ZNF599: variants seen among roughly 807,000 people sequenced by gnomAD.
ZNF599 encodes the protein zinc finger protein 599.
In ZNF599, 10 loss-of-function variants were observed where a neutral mutation model predicts 11.7. The ratio of observed to expected loss-of-function variants is 0.86; its 90% CI spans 0.53 to 1.45. The LOEUF (loss-of-function observed/expected upper bound fraction) is 1.45. Among genes scored for constraint, ZNF599 ranks in the 40% most tolerant of loss-of-function variants. The pLI is 0.00. For synonymous variants in ZNF599, 232 were observed against 253.2 expected (o/e 0.92, Z 0.79); for missense variants, 688 against 713.6 (o/e 0.96, Z 0.41).
the ZNF599 span, among the ~76,000 whole-genome samples, chr19:34,783,636 CA>C: frequency 8.6e-5 from 13 of 152,040 alleles, no homozygotes; most frequent in Non-Finnish European, 1.5e-4. Context: ...AGCAAGCCCC[CA>C]ATATGTCAAA....
the ZNF599 span, among the ~76,000 whole-genome samples, chr19:34,799,212 A>G: frequency 6.6e-6 from 1 of 152,128 alleles, no homozygotes; most frequent in Non-Finnish European, 1.5e-5. Context: ...CGTGTTGCCC[A>G]GGCTGGTCTG....
rs771913366 is a variant in ZNF599, at chr19:34,769,581, G to A, written c.19-26C>T. On this transcript the variant is annotated intron_variant, in intron 1 of 3. Coordinates refer to ENST00000329285, the MANE Select transcript of ZNF599 (RefSeq NM_001007248.3). ...CTGGGAAGTCAAACAGAGGTGACAGGTGGCTGTGGAGCTATTAGGTGAAAT... is the reference window on the plus strand; with the variant it reads ...CTGGGAAGTCAAACAGAGGTGACAGATGGCTGTGGAGCTATTAGGTGAAAT... The A allele has an allele frequency of 6.8e-6, 11 of 1,607,404 alleles. No individual in the cohort carries two copies. The South Asian group carries it at 1.2e-4, about 18-fold the overall frequency.
At chr19:34,780,956 A>G in the ZNF599 span, among the ~76,000 whole-genome samples, 1 of 152,120 alleles carries the variant, frequency 6.6e-6, no homozygotes, top group Non-Finnish European at 1.5e-5. Flanking sequence ...GGAGATCGAG[A>G]CCATCGTGGC....
At chr19:34,801,314 C>T in the ZNF599 span, among the ~76,000 whole-genome samples, 1 of 152,344 alleles carries the variant, frequency 6.6e-6, no homozygotes, top group African/African-American at 2.4e-5. Context: ...TCCATTTTTG[C>T]TGCATTAATA....
the ZNF599 span, among the ~76,000 whole-genome samples, chr19:34,804,118 A>T: frequency 3.5e-4 from 54 of 152,292 alleles, no homozygotes; most frequent in African/African-American, 1.3e-3. Context: ...TCAGCCATCC[A>T]GAACAACATG....
chr19:34,767,379 G>A lies in ZNF599; in HGVS notation c.178C>T (p.Leu60=). Residue 60 remains leucine, a synonymous_variant, in exon 3 of 4, where the codon CTA becomes TTA. Coordinates refer to ENST00000329285, the MANE Select transcript of ZNF599 (RefSeq NM_001007248.3). ...HPVPKPELIY[L]LEHGQELWTV... ...CACAGTTCCTGTCCATGTTCCAGTAGATAGATCAGCTCTGGTTTGGGAACA... is the reference window on the plus strand; with the variant it reads ...CACAGTTCCTGTCCATGTTCCAGTAAATAGATCAGCTCTGGTTTGGGAACA... 2.5e-6 allele frequency: 4 copies of A among 1,614,160 alleles called. No individual in the cohort carries two copies. The highest frequency in any genetic ancestry group is 3.4e-6 in the Non-Finnish European group (4 of 1,180,002).
chr19:34,793,782 C>T, the ZNF599 span, among the ~76,000 whole-genome samples: 43 of 152,098 alleles, frequency 2.8e-4, no homozygotes, highest in Non-Finnish European at 5.1e-4. Flanking sequence ...CAGAAGCCCT[C>T]GTGGATTGCT....
chr19:34,788,278 T>C, the ZNF599 span, among the ~76,000 whole-genome samples: 10 of 152,202 alleles, frequency 6.6e-5, no homozygotes, highest in African/African-American at 2.4e-4. Flanking sequence ...TACTTCCTCT[T>C]TTCTGTGACA....
At chr19:34,762,077 T>C (rs1191249834) in intron 3 of ZNF599, among the ~76,000 whole-genome samples, 1 of 152,162 alleles carries the variant, frequency 6.6e-6, no homozygotes, top group Admixed American at 6.5e-5. Context: ...TAAATCTGTA[T>C]GTGCCAAACA....
chr19:34,779,471 G>T, the ZNF599 span: 3 of 456,514 alleles, frequency 6.6e-6, no homozygotes, highest in Admixed American at 7.1e-5. Flanking sequence ...GTTTACTGAG[G>T]CTGGGGCTTT....
At chr19:34,800,018 A>G in the ZNF599 span, among the ~76,000 whole-genome samples, 1 of 152,176 alleles carries the variant, frequency 6.6e-6, no homozygotes, top group African/African-American at 2.4e-5. Flanking sequence ...TGTCTTCATT[A>G]TATTCCCGAA....
the ZNF599 span, among the ~76,000 whole-genome samples, chr19:34,800,620 G>A: frequency 8.0e-6 from 1 of 125,660 alleles, no homozygotes; most frequent in Non-Finnish European, 1.6e-5. Flanking sequence ...TTTTGAGACG[G>A]AGTGTCGCTC....
chr19:34,789,902 G>T, the ZNF599 span, among the ~76,000 whole-genome samples: 1 of 152,054 alleles, frequency 6.6e-6, no homozygotes, highest in African/African-American at 2.4e-5. Context: ...TACTTTGGGG[G>T]TCATATCCAA....
At chr19:34,807,312 C>T in the ZNF599 span, among the ~76,000 whole-genome samples, 2 of 152,190 alleles carry the variant, frequency 1.3e-5, no homozygotes, top group African/African-American at 4.8e-5. Flanking sequence ...AAGGGACGCA[C>T]CACCAACTTG....
chr19:34,773,272 G>T (rs1372643430), upstream of ZNF599: 1 of 185,914 alleles, frequency 5.4e-6, no homozygotes, highest in African/African-American at 2.3e-5. Flanking sequence ...TCTATGGCTT[G>T]GGGTCGGCTT....
chr19:34,779,740 C>T, the ZNF599 span: 24 of 276,196 alleles, frequency 8.7e-5, no homozygotes, highest in South Asian at 8.1e-4. Flanking sequence ...GAACTCGATG[C>T]ATATTGAGAG....
chr19:34,779,519 T>C, the ZNF599 span: 1 of 456,590 alleles, frequency 2.2e-6, no homozygotes, highest in Non-Finnish European at 4.4e-6. Context: ...ATAAGGTTTT[T>C]CTCTGGTGTG....
At chr19:34,805,107 G>A in the ZNF599 span, among the ~76,000 whole-genome samples, 598 of 151,714 alleles carry the variant, frequency 3.9e-3, 3 homozygotes, top group Admixed American at 8.4e-3. Flanking sequence ...GTCTTGGTAA[G>A]TACTTTTACT....
rs1325351727 is a variant in ZNF599, at chr19:34,760,254, A to G, written c.547T>C (p.Ser183Pro). 1 of 1,614,154 alleles carries G rather than the reference A, an allele frequency of 6.2e-7. No homozygotes were observed. Among genetic ancestry groups the G allele is most frequent in the South Asian group, 1.1e-5 (1 of 91,078 alleles). The change falls in exon 4 of 4, where the codon TCT (serine) becomes CCT (proline). Residue 183 changes from serine (S) to proline (P), a missense_variant. Ser to Pro is a moderately conservative substitution (Grantham distance 74). Coordinates refer to ENST00000329285, the MANE Select transcript of ZNF599 (RefSeq NM_001007248.3). ...TPQDALHECD[S>P]QGPGKDPMTD... is the part of the protein sequence containing the mutation. ...ATGGGGTCTTTTCCTGGTCCTTGAGAGTCACACTCATGGAGAGCATCTTGT... is the reference window on the plus strand; with the variant it reads ...ATGGGGTCTTTTCCTGGTCCTTGAGGGTCACACTCATGGAGAGCATCTTGT...
Sources: allele counts gnomAD v4.1 joint callset (sites outside exome capture counted in the v4.1 genomes callset), GRCh38; gene constraint gnomAD v4.1.1; transcripts MANE v1.5; gene names NCBI Gene and HGNC (gene_info 2026-07-23, HGNC 2026-07-21).